Variants in CATSPERE observed in about 807,000 individuals in gnomAD.
The protein encoded by CATSPERE is catsper channel auxiliary subunit epsilon.
In CATSPERE, 93 loss-of-function variants were observed where a neutral mutation model predicts 114.1. The ratio of observed to expected loss-of-function variants is 0.81; its 90% CI spans 0.69 to 0.97. CATSPERE has a LOEUF of 0.97. CATSPERE is among the 50% of genes least tolerant of loss of function. The pLI is 0.00. For synonymous variants in CATSPERE, 341 were observed against 384.1 expected (o/e 0.89, Z 1.31); for missense variants, 1,058 against 1,131.6 (o/e 0.93, Z 0.93).
intron 7 of CATSPERE, 71 bp downstream of exon 7, chr1:244,499,150 A>G: frequency 8.7e-7 from 1 of 1,147,586 alleles, no homozygotes; most frequent in Non-Finnish European, 1.3e-6. Context: ...ACTGTGAAAA[A>G]TTTATAATCA....
chr1:244,492,967 C>T (rs973230950), intron 6 of CATSPERE, among the ~76,000 whole-genome samples: 7 of 124,842 alleles, frequency 5.6e-5, no homozygotes, highest in African/African-American at 1.5e-4. Flanking sequence ...AATGGAAGAA[C>T]ATTCCATGTT....
At chr1:244,579,876 C>A (rs1665897887) in intron 11 of CATSPERE, among the ~76,000 whole-genome samples, 1 of 151,868 alleles carries the variant, frequency 6.6e-6, no homozygotes, top group Non-Finnish European at 1.5e-5. Flanking sequence ...TTTCTTCTTT[C>A]AACTTGACAC....
intron 7 of CATSPERE, among the ~76,000 whole-genome samples, chr1:244,509,056 T>C (rs1046045465): frequency 1.4e-4 from 22 of 151,930 alleles, no homozygotes; most frequent in African/African-American, 4.8e-4. Context: ...CTTGATCCTT[T>C]TTTTTTTCTT....
Position 244,518,640 on chromosome 1 carries a change from G to C in CATSPERE, c.478G>C (p.Val160Leu), listed in dbSNP as rs1342192487. The change falls in exon 8 of 22, where the codon GTC (valine) becomes CTC (leucine). Residue 160 changes from valine (V) to leucine (L), a missense_variant. Physicochemically the swap from Val to Leu is conservative, Grantham distance 32. This residue lies in a region of CATSPERE where 271 missense variants were observed against 225.9 expected (regional missense o/e 1.20). Transcript: ENST00000366534. The stretch of plus-strand genomic sequence containing the variant: ...GATGGCCACATTGGGACAGAAGCCT[G>C]TCATACATACAGTTCTGAAGAGAAA... ...TQMATLGQKP[V>L]IHTVLKRKVY... The C allele has an allele frequency of 6.2e-7, 1 of 1,602,808 alleles. No homozygotes were observed.
intron 3 of CATSPERE, 65 bp downstream of exon 3, chr1:244,477,679 C>G: frequency 8.9e-7 from 1 of 1,118,702 alleles, no homozygotes. Flanking sequence ...ATAATGTGAA[C>G]ATTGAGATTC....
At chr1:244,627,194 G>A (rs1475947415) in intron 20 of CATSPERE, among the ~76,000 whole-genome samples, 4 of 152,160 alleles carry the variant, frequency 2.6e-5, no homozygotes, top group African/African-American at 4.8e-5. Flanking sequence ...CAGAGCATAC[G>A]TAACATTGAT....
intron 19 of CATSPERE, among the ~76,000 whole-genome samples, chr1:244,615,912 G>A (rs1039244463): frequency 3.7e-5 from 5 of 136,572 alleles, no homozygotes; most frequent in African/African-American, 1.1e-4. Flanking sequence ...CCAGAAGTTC[G>A]ACAGAAATCT....
At chr1:244,554,508 G>T (rs1661282326) in intron 9 of CATSPERE, among the ~76,000 whole-genome samples, 1 of 151,704 alleles carries the variant, frequency 6.6e-6, no homozygotes, top group South Asian at 2.1e-4. Context: ...AGGGCAACAT[G>T]GTGAGACCCC....
chr1:244,556,404 A>G (rs1661582097), intron 9 of CATSPERE, among the ~76,000 whole-genome samples: 2 of 152,204 alleles, frequency 1.3e-5, no homozygotes, highest in Non-Finnish European at 2.9e-5. Flanking sequence ...AACTCAGTCT[A>G]AACACAACAA....
intron 20 of CATSPERE, among the ~76,000 whole-genome samples, chr1:244,624,263 G>A (rs528658448): frequency 2.0e-5 from 3 of 151,292 alleles, no homozygotes; most frequent in East Asian, 3.9e-4. Flanking sequence ...GAGCCACCAC[G>A]CCTGGCCGGC....
At chr1:244,451,851 G>A (rs769468143), upstream of CATSPERE, 32 of 1,524,596 alleles carry the variant, frequency 2.1e-5, no homozygotes, top group Middle Eastern at 2.3e-4. This position sits in a 1 kb window ranked among gnomAD's most constrained non-coding sequence, Gnocchi z 6.6. Flanking sequence ...CCGAAGGAGA[G>A]GCGGCCGGCG....
At chr1:244,500,329 G>A (rs778808333) in intron 7 of CATSPERE, among the ~76,000 whole-genome samples, 2 of 152,082 alleles carry the variant, frequency 1.3e-5, no homozygotes, top group Non-Finnish European at 1.5e-5. Flanking sequence ...CTTTTGCTCC[G>A]CAGAAGCTCT....
intron 7 of CATSPERE, among the ~76,000 whole-genome samples, chr1:244,505,945 G>A (rs1038231602): frequency 6.6e-6 from 1 of 152,160 alleles, no homozygotes; most frequent in Non-Finnish European, 1.5e-5. Flanking sequence ...GGCGGAGGTT[G>A]CAGTAAACCG....
chr1:244,543,840 A>T (rs1040665290), intron 8 of CATSPERE, among the ~76,000 whole-genome samples: 10 of 151,884 alleles, frequency 6.6e-5, no homozygotes, highest in African/African-American at 2.4e-4. Context: ...AGGTGAGGGG[A>T]GAAACATAGT....
intron 21 of CATSPERE, among the ~76,000 whole-genome samples, chr1:244,637,765 G>T (rs1558636530): frequency 6.6e-6 from 1 of 152,074 alleles, no homozygotes. Flanking sequence ...CTGTAATAGC[G>T]ATTTCAGATT....
At chr1:244,467,833 C>T (rs1667842969) in intron 2 of CATSPERE, among the ~76,000 whole-genome samples, 1 of 152,162 alleles carries the variant, frequency 6.6e-6, no homozygotes, top group African/African-American at 2.4e-5. Context: ...TCACTGTACT[C>T]TGTGAAAGTA....
rs901056925 is a variant in CATSPERE at position 244,633,170 on chromosome 1, T to C, written c.2649-2319T>C. ...GAAACAGACAAACCCCTAATTGCAGTTGGAGATTTCAACATTCCTTTCTCA... is the reference window on the plus strand; with the variant it reads ...GAAACAGACAAACCCCTAATTGCAGCTGGAGATTTCAACATTCCTTTCTCA... On this transcript the variant is annotated intron_variant, in intron 20 of 21. Transcript: ENST00000366534. The surrounding 1 kb of genome is among the most constrained non-coding windows in gnomAD (Gnocchi z 4.1). 2.0e-5 allele frequency among the ~76,000 whole-genome samples: 3 copies of C among 152,204 alleles called. No homozygotes were observed. Among genetic ancestry groups the C allele is most frequent in the Admixed American group, 6.5e-5 (1 of 15,286 alleles).
intron 21 of CATSPERE, among the ~76,000 whole-genome samples, chr1:244,636,413 G>A (rs1457751551): frequency 2.0e-5 from 3 of 152,148 alleles, no homozygotes; most frequent in South Asian, 2.1e-4. Flanking sequence ...TGTATTAATG[G>A]AATGTTAATA....
At chr1:244,460,438 A>G (rs1666580825), upstream of CATSPERE, among the ~76,000 whole-genome samples, 1 of 152,150 alleles carries the variant, frequency 6.6e-6, no homozygotes, top group Non-Finnish European at 1.5e-5. Context: ...ACAGGAAGAC[A>G]GCTTCTACTC....
Sources: gnomAD v4.1 joint callset for allele counts (sites outside exome capture counted in the v4.1 genomes callset) on GRCh38, gnomAD v4.1.1 for gene constraint, gnomAD v4.1.1 regional missense constraint, Gnocchi (gnomAD v3.1) non-coding constraint, MANE v1.5 for transcripts, NCBI Gene and HGNC (gene_info 2026-07-23, HGNC 2026-07-21) for gene names.